Variants in AOPEP observed in about 807,000 individuals in gnomAD.
AOPEP encodes the protein aminopeptidase O.
AOPEP carries 77 observed loss-of-function variants against 98.1 expected under a neutral mutation model. The observed-to-expected ratio is 0.78, with a 90% CI of 0.65 to 0.95. The LOEUF (loss-of-function observed/expected upper bound fraction) is 0.95, where lower values mean the gene tolerates loss of function less well. Among genes scored for constraint, AOPEP ranks in the 40% least tolerant of loss-of-function variants. AOPEP has a pLI of 0.00. For missense variants in AOPEP, 1,024 were observed against 1,024.7 expected, an observed-to-expected ratio of 1.00 and a Z score of 0.01; for synonymous variants, 346 against 365.3, an observed-to-expected ratio of 0.95 and a Z score of 0.60.
At chr9:95,092,197 C>T in the AOPEP span, among the ~76,000 whole-genome samples, 12 of 152,156 alleles carry the variant, frequency 7.9e-5, no homozygotes, top group African/African-American at 1.7e-4. Context: ...GGAACCAGAC[C>T]GGTCCCTGCG....
rs1017408095 is a variant in AOPEP, at chr9:94,967,685, A to G, written c.1873-73A>G. ...GAGCTGTCAGTAGCTGGGAGCACTC[A>G]GCCTCTGGCATGGTTCCAGGCAGAG... On this transcript the variant is annotated intron_variant, in intron 9 of 16. Coordinates refer to ENST00000375315, the MANE Select transcript of AOPEP (RefSeq NM_001193329.3). The G allele has an allele frequency of 4.9e-5, 63 of 1,294,964 alleles. No individual in the cohort carries two copies. In the African/African-American group the frequency reaches 7.3e-4, roughly 15 times the overall value. The allele number at this position is 1,294,964 out of a possible 1,614,324, so 80.2% of individuals were successfully genotyped here.
At chr9:95,048,502 C>A (rs945342586) in intron 13 of AOPEP, among the ~76,000 whole-genome samples, 1 of 152,086 alleles carries the variant, frequency 6.6e-6, no homozygotes, top group Non-Finnish European at 1.5e-5. Flanking sequence ...GAGATACTCA[C>A]GGGCGCGGGA....
intron 8 of AOPEP, 95 bp from the exon 9 acceptor site, chr9:94,955,813 A>G (rs2058409993): frequency 2.7e-6 from 2 of 742,088 alleles, no homozygotes; most frequent in Non-Finnish European, 2.3e-6. Context: ...CTAGATGCAC[A>G]AGTGCACTAT....
At chr9:95,074,129 T>A (rs1318578971) in intron 14 of AOPEP, among the ~76,000 whole-genome samples, 2 of 152,182 alleles carry the variant, frequency 1.3e-5, no homozygotes, top group African/African-American at 2.4e-5. Flanking sequence ...GTGTGTGTGC[T>A]TCCTTCCACG....
intron 2 of AOPEP, among the ~76,000 whole-genome samples, chr9:94,762,038 T>A (rs1838421181): frequency 6.6e-6 from 1 of 152,232 alleles, no homozygotes; most frequent in African/African-American, 2.4e-5. Context: ...GAAATATTTA[T>A]GGCCTCAAAC....
At chr9:94,864,861 A>G (rs890645224) in intron 5 of AOPEP, among the ~76,000 whole-genome samples, 1 of 152,152 alleles carries the variant, frequency 6.6e-6, no homozygotes, top group African/African-American at 2.4e-5. Flanking sequence ...ATTTTTTTAA[A>G]ATGTGAGTAA....
the AOPEP span, among the ~76,000 whole-genome samples, chr9:95,106,655 G>C: frequency 6.6e-6 from 1 of 152,348 alleles, no homozygotes; most frequent in South Asian, 2.1e-4. Context: ...AAGATTAACA[G>C]AATTCTTTGC....
the AOPEP span, chr9:95,110,817 G>A: frequency 1.7e-6 from 2 of 1,147,370 alleles, no homozygotes; most frequent in Admixed American, 8.6e-5. Context: ...TTTAATCAAA[G>A]CATTGCTTCC....
the AOPEP span, chr9:95,135,645 C>G: frequency 1.4e-6 from 1 of 691,780 alleles, no homozygotes; most frequent in Non-Finnish European, 2.5e-6. Context: ...TTTATAGAAT[C>G]AGTGAATATT....
the AOPEP span, among the ~76,000 whole-genome samples, chr9:95,126,122 G>A: frequency 6.6e-6 from 1 of 152,196 alleles, no homozygotes; most frequent in Non-Finnish European, 1.5e-5. Flanking sequence ...TGTTAAGAAT[G>A]ACTTTTATTT....
At chr9:94,729,054 C>T (rs186808152) in intron 1 of AOPEP, among the ~76,000 whole-genome samples, 1,664 of 137,022 alleles carry the variant, frequency 0.012, 35 homozygotes, top group African/African-American at 0.043. Flanking sequence ...AAGTTGGTGT[C>T]CCACCAAAGT....
At chr9:95,088,068 C>T (rs530580961), downstream of AOPEP, among the ~76,000 whole-genome samples, 8 of 152,268 alleles carry the variant, frequency 5.3e-5, no homozygotes, top group African/African-American at 1.7e-4. Context: ...CATGCCTTTG[C>T]GTGGGACTGT....
At chr9:94,952,941 C>G (rs2058208414) in intron 7 of AOPEP, among the ~76,000 whole-genome samples, 1 of 152,000 alleles carries the variant, frequency 6.6e-6, no homozygotes, top group Non-Finnish European at 1.5e-5. Context: ...GAAAAAACAG[C>G]AACTGAAGGC....
At chr9:95,100,803 G>A in the AOPEP span, 2 of 225,834 alleles carry the variant, frequency 8.9e-6, no homozygotes, top group East Asian at 1.3e-4. Flanking sequence ...GATAATTTTT[G>A]TATTTTTAGT....
the AOPEP span, among the ~76,000 whole-genome samples, chr9:95,115,437 C>T: frequency 6.6e-6 from 1 of 152,200 alleles, no homozygotes; most frequent in Non-Finnish European, 1.5e-5. Flanking sequence ...TAGGAATAGA[C>T]TGCCTGACTG....
At chr9:94,919,770 A>C (rs1206092716) in intron 5 of AOPEP, among the ~76,000 whole-genome samples, 2 of 152,038 alleles carry the variant, frequency 1.3e-5, no homozygotes, top group Non-Finnish European at 2.9e-5. Context: ...ATGAAGTCAC[A>C]CAAGCAGAAG....
chr9:94,891,099 A>G (rs183612648), intron 5 of AOPEP, among the ~76,000 whole-genome samples: 52 of 152,294 alleles, frequency 3.4e-4, no homozygotes, highest in African/African-American at 1.2e-3. Context: ...ATCAGTTTCT[A>G]CCTCATGTAC....
the AOPEP span, among the ~76,000 whole-genome samples, chr9:95,124,029 G>A: frequency 2.1e-5 from 3 of 145,472 alleles, no homozygotes; most frequent in East Asian, 4.2e-4. Flanking sequence ...ACCTGAGCTT[G>A]GGGGGTTGAG....
intron 4 of AOPEP, among the ~76,000 whole-genome samples, chr9:94,793,395 A>T (rs1846187376): frequency 6.9e-6 from 1 of 144,746 alleles, no homozygotes; most frequent in African/African-American, 2.6e-5. Flanking sequence ...GAAAGGAAAG[A>T]GAGGCTGGGC....
Sources: allele counts gnomAD v4.1 joint callset (sites outside exome capture counted in the v4.1 genomes callset), GRCh38; gene constraint gnomAD v4.1.1; transcripts MANE v1.5; gene names NCBI Gene and HGNC (gene_info 2026-07-23, HGNC 2026-07-21).